SPTAN1: variants seen among roughly 807,000 people sequenced by gnomAD.
The protein encoded by SPTAN1 is spectrin alpha, non-erythrocytic 1, also known as spectrin alpha chain, non-erythrocytic 1.
Under a neutral mutation model 331.3 loss-of-function variants are expected in SPTAN1, and 61 were observed. The ratio of observed to expected loss-of-function variants is 0.18; its 90% CI spans 0.15 to 0.23. The LOEUF is 0.23. SPTAN1 is among the 10% of genes least tolerant of loss of function. SPTAN1 has a pLI of 1.00. For synonymous variants in SPTAN1, 1,153 were observed against 1,173.9 expected (o/e 0.98, Z 0.36); for missense variants, 2,043 against 3,147.9 (o/e 0.65, Z 8.40).
intron 52 of SPTAN1, 148 bp downstream of exon 52, chr9:128,630,523 ACTAT>A (rs1435523696): frequency 4.3e-6 from 3 of 702,552 alleles, no homozygotes; most frequent in Non-Finnish European, 5.0e-6. Context: ...AGGGCTCTTC[ACTAT>A]CTCTCTCTCT....
rs1470406753 is a variant in SPTAN1 at position 128,608,208 on chromosome 9, G to A, written c.4423G>A (p.Asp1475Asn). 2.5e-6 allele frequency: 4 copies of A among 1,614,032 alleles called. No homozygotes were observed. The highest frequency in any genetic ancestry group is 1.1e-5 in the South Asian group (1 of 91,090). ...CTTCTTGAATACCGAAGACAAAGGA[G>A]ACTCACTGGACAGCGTAGAGGCTCT... ...EAFLNTEDKG[D>N]SLDSVEALIK... is the part of the protein sequence containing the mutation. Residue 1475 changes from aspartate (D) to asparagine (N), a missense_variant, in exon 34 of 57, where the codon GAC (aspartate) becomes AAC (asparagine). Physicochemically the swap from Asp to Asn is conservative, Grantham distance 23 (BLOSUM62 1). Transcript: ENST00000372739.
intron 21 of SPTAN1, among the ~76,000 whole-genome samples, chr9:128,589,289 TC>T (rs1853115389): frequency 7.5e-6 from 1 of 133,060 alleles, no homozygotes; most frequent in African/African-American, 2.7e-5. Context: ...CTTTTTCTTT[TC>T]TTTTTTTTTT....
chr9:128,615,309 AT>A (rs199946535), intron 40 of SPTAN1, among the ~76,000 whole-genome samples: 1 of 150,700 alleles, frequency 6.6e-6, no homozygotes, highest in Middle Eastern at 3.4e-3. Flanking sequence ...GTGAAACAGC[AT>A]TTTTTTTTCA....
intron 49 of SPTAN1, chr9:128,626,914 A>C (rs1589390806): frequency 1.6e-6 from 1 of 644,730 alleles, no homozygotes. Flanking sequence ...TCCCAGGCTC[A>C]GGTGATCCTC....
intron 44 of SPTAN1, 147 bp downstream of exon 44, chr9:128,619,150 C>A (rs1857542525): frequency 2.6e-6 from 3 of 1,172,396 alleles, no homozygotes; most frequent in Admixed American, 2.0e-5. Flanking sequence ...TTGGTTTTAG[C>A]CCTCAAGATC....
At chr9:128,560,229 G>A (rs1414565645) in intron 1 of SPTAN1, among the ~76,000 whole-genome samples, 3 of 151,140 alleles carry the variant, frequency 2.0e-5, no homozygotes, top group African/African-American at 4.9e-5. Flanking sequence ...GATTACAGGC[G>A]CACGCCGCCA....
At chr9:128,605,686 A>G (rs528499842) in intron 31 of SPTAN1, among the ~76,000 whole-genome samples, 1 of 152,196 alleles carries the variant, frequency 6.6e-6, no homozygotes, top group South Asian at 2.1e-4. Flanking sequence ...TCTATTATAA[A>G]ATTTTAATTT....
intron 15 of SPTAN1, 121 bp downstream of exon 15, chr9:128,583,402 G>A (rs544812511): frequency 3.9e-6 from 4 of 1,031,196 alleles, no homozygotes; most frequent in South Asian, 2.7e-5. Flanking sequence ...TTGGCGTTAG[G>A]GATAATTTCC....
chr9:128,629,977 C>T lies in SPTAN1; in HGVS notation c.6708-344C>T. 2.5e-6 allele frequency: 1 copy of T among 404,212 alleles called. No individual in the cohort carries two copies. Among genetic ancestry groups the T allele is most frequent in the South Asian group, 2.0e-5 (1 of 50,778 alleles). 25.0% of individuals were successfully genotyped at this position (404,212 alleles called of 1,614,324 possible). On this transcript the variant is annotated intron_variant, in intron 51 of 56. Transcript: ENST00000372739. This position sits in a 1 kb window ranked among gnomAD's most constrained non-coding sequence, Gnocchi z 4.9. ...AGGTGTCAGGGTGTGCCATCCCCCA[C>T]ATGGCTGCAGAGAGGATGCTCAGAC...
chr9:128,626,644 A>G lies in SPTAN1; in HGVS notation c.6533A>G (p.Glu2178Gly). The change falls in exon 49 of 57, where the codon GAG becomes GGG. Residue 2178 changes from glutamate (E) to glycine (G), a missense_variant. Glu to Gly is a moderately conservative substitution (Grantham distance 98). Around this residue, in one of 12 missense-constraint regions of SPTAN1, gnomAD observed 256 missense variants for 376.4 expected, o/e 0.68. Transcript: ENST00000372739. The stretch of plus-strand genomic sequence containing the variant: ...AACCCCTACACCTGGTTTACCATGG[A>G]GGCCCTGGAGGAGACCTGGAGGAAC... ...ASNPYTWFTM[E>G]ALEETWRNLQ... The G allele has an allele frequency of 6.2e-7, 1 of 1,613,456 alleles. No homozygotes were observed. Among genetic ancestry groups the G allele is most frequent in the Non-Finnish European group, 8.5e-7 (1 of 1,179,798 alleles).
chr9:128,626,725 C>G (rs774146471), intron 49 of SPTAN1, 38 bp downstream of exon 49: 2 of 1,568,000 alleles, frequency 1.3e-6, no homozygotes, highest in Admixed American at 3.7e-5. Flanking sequence ...GCTCGGCCTC[C>G]CAGAGCCCTC....
In SPTAN1 at chr9:128,577,364, T is replaced by C. The variant is rs776064912; in HGVS notation, c.943T>C (p.Cys315Arg). The C allele has an allele frequency of 5.9e-5, 95 of 1,614,086 alleles. No individual in the cohort carries two copies. Among genetic ancestry groups the C allele is most frequent in the Non-Finnish European group, 7.8e-5 (92 of 1,180,046 alleles). The stretch of plus-strand genomic sequence containing the variant: ...AGTTCATTTCTAGGTCAAAGCCCTG[T>C]GTGCTGAGGCTGACCGCCTGCAACA... ...AALEDKVKAL[C>R]AEADRLQQSH... Residue 315 changes from cysteine to arginine, a missense_variant, in exon 8 of 57, where the codon TGT (cysteine) becomes CGT (arginine). By Grantham distance (180) the Cys-to-Arg change is radical. Around this residue, in one of 12 missense-constraint regions of SPTAN1, gnomAD observed 1,038 missense variants for 1,531.5 expected, o/e 0.68. Transcript: ENST00000372739. The surrounding 1 kb of genome is among the most constrained non-coding windows in gnomAD (Gnocchi z 4.2).
chr9:128,599,163 C>T, intron 26 of SPTAN1, 177 bp downstream of exon 26: 1 of 697,468 alleles, frequency 1.4e-6, no homozygotes, highest in Non-Finnish European at 2.6e-6. Flanking sequence ...GAGACGGAGT[C>T]TCACTCTGTC....
At chr9:128,595,116 T>G (rs1854098159) in intron 24 of SPTAN1, among the ~76,000 whole-genome samples, 1 of 152,026 alleles carries the variant, frequency 6.6e-6, no homozygotes, top group African/African-American at 2.4e-5. Flanking sequence ...GGCCTCAGTT[T>G]TTTTTTTGTT....
At chr9:128,618,289 C>T (rs1485839724) in intron 43 of SPTAN1, among the ~76,000 whole-genome samples, 181 bp downstream of exon 43, 2 of 152,156 alleles carry the variant, frequency 1.3e-5, no homozygotes, top group African/African-American at 4.8e-5. Flanking sequence ...TGGTCTCATT[C>T]TGTTCATCTG....
In SPTAN1 at chr9:128,632,555, T is replaced by C. The variant is rs759162715; in HGVS notation, c.7014-17T>C. On this transcript the variant is annotated splice_polypyrimidine_tract_variant and intron_variant, in intron 54 of 56. Transcript: ENST00000372739. Reference sequence around the variant, plus strand: ...AGCAGGGCTGCCTGCTGAGCCGCCCTCGGCTTTGTGCTGCAGACACTTTGA... The same window carrying C: ...AGCAGGGCTGCCTGCTGAGCCGCCCCCGGCTTTGTGCTGCAGACACTTTGA... 1 of 1,614,116 alleles carries C rather than the reference T, an allele frequency of 6.2e-7. No homozygotes were observed. Among genetic ancestry groups the C allele is most frequent in the Admixed American group, 1.7e-5 (1 of 60,028 alleles).
intron 45 of SPTAN1, among the ~76,000 whole-genome samples, chr9:128,622,449 G>A (rs1858012606): frequency 6.6e-6 from 1 of 152,000 alleles, no homozygotes; most frequent in Admixed American, 6.6e-5. Context: ...ACAGGCATGT[G>A]CCACTATGCC....
At position 128,626,839 on chromosome 9, in the gene SPTAN1, G is replaced by GGCAGGGTCTCTGTCAC. The variant is rs996593731; in HGVS notation, c.6576+153_6576+168dup. 9 of 976,612 alleles carry GGCAGGGTCTCTGTCAC rather than the reference G, an allele frequency of 9.2e-6. No homozygotes were observed. In the African/African-American group the frequency reaches 1.5e-4, roughly 16 times the overall value. The allele number at this position is 976,612 out of a possible 1,614,324, so 60.5% of individuals were successfully genotyped here. A position where few individuals can be genotyped will look rare whatever the true frequency, so the allele number is the denominator to read the frequency against. Reference sequence around the variant, plus strand: ...GTTTCATTTCTTTTTGTGTTCTTGAGGCAGGGTCTCTGTCACCCAGGCTTC... The same window carrying GGCAGGGTCTCTGTCAC: ...GTTTCATTTCTTTTTGTGTTCTTGAGGCAGGGTCTCTGTCACGCAGGGTCTCTGTCACCCAGGCTTC... On this transcript the variant is annotated intron_variant, in intron 49 of 56. Transcript: ENST00000372739.
rs1237649005 is a variant in SPTAN1 at position 128,625,539 on chromosome 9, G to A, written c.6070-230G>A. Among the ~76,000 whole-genome samples, 3 of 152,198 alleles carry A rather than the reference G, an allele frequency of 2.0e-5. No individual in the cohort carries two copies. The highest frequency in any genetic ancestry group is 2.9e-5 in the Non-Finnish European group (2 of 68,022). The stretch of plus-strand genomic sequence containing the variant: ...CTGGGCAGAGCTGGCAGGGATCCCT[G>A]GGGCGGGAGAGCGGAAGGCTGGGGT... On this transcript the variant is annotated intron_variant, in intron 47 of 56. Transcript: ENST00000372739. The surrounding 1 kb of genome is among the most constrained non-coding windows in gnomAD (Gnocchi z 4.1).
Sources: allele counts gnomAD v4.1 joint callset (sites outside exome capture counted in the v4.1 genomes callset), GRCh38; gene constraint gnomAD v4.1.1; regional missense constraint gnomAD v4.1.1; non-coding constraint Gnocchi (gnomAD v3.1); transcripts MANE v1.5; gene names NCBI Gene and HGNC (gene_info 2026-07-23, HGNC 2026-07-21).